The following TUBGCP5 variants were observed in gnomAD, a reference collection of about 807,000 sequenced individuals.
TUBGCP5 encodes tubulin gamma complex component 5, also known as gamma-tubulin complex component 5.
Under a neutral mutation model 134.7 loss-of-function variants are expected in TUBGCP5, and 98 were observed. That is an observed-to-expected ratio of 0.73 (90% CI 0.62 to 0.86). The LOEUF (loss-of-function observed/expected upper bound fraction) is 0.86, where lower values mean the gene tolerates loss of function less well. Ranked by LOEUF, TUBGCP5 falls within the 40% of genes least tolerant of loss-of-function variation. TUBGCP5 has a pLI of 0.00. For synonymous variants in TUBGCP5, 456 were observed against 431.4 expected (o/e 1.06, Z -0.71); for missense variants, 1,150 against 1,244.8 (o/e 0.92, Z 1.15).
rs140174040 is a variant in TUBGCP5 at position 22,999,420 on chromosome 15, A to G, written c.*400T>C. The stretch of plus-strand genomic sequence containing the variant: ...GACTGTGGGCAAGTGGTTCTTTCTG[A>G]GTCAGGGTCTCACTCTGTCACCCAG... On this transcript the variant is annotated 3_prime_UTR_variant, in exon 23 of 23. Transcript: ENST00000615383. The G allele has an allele frequency of 5.2e-3, 1,172 of 227,496 alleles. 13 individuals carry two copies. Among genetic ancestry groups the G allele is most frequent in the African/African-American group, 0.024 (1,093 of 44,954 alleles). The allele number at this position is 227,496 out of a possible 1,614,324, so 14.1% of individuals were successfully genotyped here. A position where few individuals can be genotyped will look rare whatever the true frequency, so the allele number is the denominator to read the frequency against.
chr15:23,036,867 A>G (rs762858977), intron 3 of TUBGCP5, 30 bp downstream of exon 3: 2 of 1,342,568 alleles, frequency 1.5e-6, no homozygotes, highest in Non-Finnish European at 2.1e-6. Context: ...AGTAAAATAC[A>G]CAGTGGAGAT....
chr15:23,030,554 G>A (rs974180233), intron 6 of TUBGCP5, among the ~76,000 whole-genome samples: 7 of 146,314 alleles, frequency 4.8e-5, no homozygotes, highest in African/African-American at 1.8e-4. Flanking sequence ...TGTTGCCAGA[G>A]CTGGAGTGCA....
intron 10 of TUBGCP5, among the ~76,000 whole-genome samples, chr15:23,022,861 G>A (rs1344942750): frequency 6.6e-6 from 1 of 152,096 alleles, no homozygotes; most frequent in African/African-American, 2.4e-5. Flanking sequence ...AAATTTAAGG[G>A]GAAAAAAGCT....
downstream of TUBGCP5, among the ~76,000 whole-genome samples, chr15:22,994,699 T>G (rs2063990637): frequency 6.6e-6 from 1 of 152,218 alleles, no homozygotes. Context: ...AATATACATT[T>G]CATTTCTCTT....
intron 1 of TUBGCP5, among the ~76,000 whole-genome samples, chr15:23,038,249 C>T (rs942064924): frequency 1.3e-5 from 2 of 152,014 alleles, no homozygotes; most frequent in African/African-American, 2.4e-5. Context: ...TACTGAAAAA[C>T]ACATGATTCT....
At chr15:22,983,950 CCT>C in intron 23 of TUBGCP5, among the ~76,000 whole-genome samples, 1 of 151,824 alleles carries the variant, frequency 6.6e-6, no homozygotes, top group East Asian at 2.0e-4. Context: ...GACAAAACCC[CCT>C]CTCTACAAAA....
chr15:23,029,186 G>A (rs540853078), intron 6 of TUBGCP5, among the ~76,000 whole-genome samples: 1 of 152,058 alleles, frequency 6.6e-6, no homozygotes, highest in African/African-American at 2.4e-5. Context: ...TAAATTCTCT[G>A]CAATCCCAAT....
At chr15:23,007,970 G>A (rs893679514) in intron 16 of TUBGCP5, among the ~76,000 whole-genome samples, 5 of 152,170 alleles carry the variant, frequency 3.3e-5, no homozygotes, top group African/African-American at 1.2e-4. Context: ...CTAGGAGGCA[G>A]GACTGAAAAA....
intron 16 of TUBGCP5, among the ~76,000 whole-genome samples, chr15:23,006,985 G>T (rs2064753210): frequency 6.6e-6 from 1 of 152,174 alleles, no homozygotes; most frequent in Non-Finnish European, 1.5e-5. Flanking sequence ...CAGTCACAGA[G>T]GCACTAAGAG....
rs2066627488 is a variant in TUBGCP5 at position 23,036,999 on chromosome 15, A to C, written c.207T>G (p.Tyr69Ter). 6.3e-7 allele frequency: 1 copy of C among 1,597,032 alleles called. No homozygotes were observed. Among genetic ancestry groups the C allele is most frequent in the Non-Finnish European group, 8.5e-7 (1 of 1,174,006 alleles). Residue 69 changes from tyrosine to a stop codon, truncating the protein, a stop_gained, in exon 3 of 23, where the codon TAT (tyrosine) becomes TAG (stop). Coordinates refer to ENST00000615383, the MANE Select transcript of TUBGCP5 (RefSeq NM_052903.6). LOFTEE classifies it high-confidence loss of function. ...GATCAGAATGAATGACAAATTTTTC[A>C]TAAATTCTAAAATATAAGAAAAGAT... ...HKIEKTIEGI[Y>*]EKFVIHSDLS...
downstream of TUBGCP5, among the ~76,000 whole-genome samples, chr15:22,996,495 T>C (rs2064086704): frequency 6.6e-6 from 1 of 152,166 alleles, no homozygotes; most frequent in African/African-American, 2.4e-5. Flanking sequence ...TTTATTTTCT[T>C]TAATTTTTGA....
intron 7 of TUBGCP5, 98 bp from the exon 8 acceptor site, chr15:23,026,303 C>A: frequency 9.8e-7 from 1 of 1,016,854 alleles, no homozygotes. Flanking sequence ...ACTTAAGTAG[C>A]AATCAACTAA....
In TUBGCP5 at chr15:23,037,160, A is replaced by C; in HGVS notation, c.147-8T>G. 6.2e-7 allele frequency: 1 copy of C among 1,611,532 alleles called. No homozygotes were observed. Among genetic ancestry groups the C allele is most frequent in the South Asian group, 1.1e-5 (1 of 90,304 alleles). On this transcript the variant is annotated splice_region_variant and splice_polypyrimidine_tract_variant and intron_variant, in intron 1 of 22. Transcript: ENST00000615383. ...TCCAAGAAACGATGAAATCTATTAA[A>C]GACAAAATGCAATTCTTATGCCAAC...
downstream of TUBGCP5, among the ~76,000 whole-genome samples, chr15:22,998,551 C>T (rs1006590052): frequency 1.3e-5 from 2 of 151,982 alleles, no homozygotes; most frequent in Admixed American, 6.6e-5. Context: ...CTTGACCTCC[C>T]GGTCTCAATC....
Position 22,986,778 on chromosome 15 carries a change from A to C in TUBGCP5, c.*62-3167T>G, listed in dbSNP as rs574952942. ...AAGAAAAGGAAGTCAGAAATCGTTA[A>C]ATCGTTTGCTTGGGTGAGGTGGTCT... is the stretch of plus-strand genomic sequence containing the variant. On this transcript the variant is annotated intron_variant and NMD_transcript_variant, in intron 23 of 23. Coordinates refer to the TUBGCP5 transcript ENST00000614508. Among the ~76,000 whole-genome samples, 9 of 152,088 alleles carry C rather than the reference A, an allele frequency of 5.9e-5. No individual in the cohort carries two copies. The South Asian group carries it at 1.9e-3, about 32-fold the overall frequency.
chr15:23,008,882 C>T lies in TUBGCP5; in HGVS notation c.2145-1G>A. 5 of 1,548,896 alleles carry T rather than the reference C, an allele frequency of 3.2e-6. No individual in the cohort carries two copies. Among genetic ancestry groups the T allele is most frequent in the Non-Finnish European group, 4.3e-6 (5 of 1,155,778 alleles). The stretch of plus-strand genomic sequence containing the variant: ...CATAGCTTGCAAGTATTCTACCAAC[C>T]TGAATGGAGAGAAAATGAGTGACAC... On this transcript the variant is annotated splice_acceptor_variant, in intron 15 of 22. Transcript: ENST00000615383. LOFTEE classifies it high-confidence loss of function.
intron 21 of TUBGCP5, among the ~76,000 whole-genome samples, chr15:23,002,343 G>C (rs1014780401): frequency 1.3e-5 from 2 of 152,154 alleles, no homozygotes; most frequent in African/African-American, 4.8e-5. Flanking sequence ...CATGGAGTAA[G>C]TACAGTCAAC....
chr15:23,007,089 G>A (rs2064761175), intron 16 of TUBGCP5, among the ~76,000 whole-genome samples: 1 of 152,114 alleles, frequency 6.6e-6, no homozygotes, highest in East Asian at 1.9e-4. Context: ...TGAACTGGCT[G>A]ATCCATGACA....
chr15:23,005,629 G>T lies in TUBGCP5; in HGVS notation c.2534-19C>A. 6.2e-7 allele frequency: 1 copy of T among 1,605,038 alleles called. No individual in the cohort carries two copies. The highest frequency in any genetic ancestry group is 1.3e-5 in the African/African-American group (1 of 74,770). Reference sequence around the variant, plus strand: ...ACCAGTTCTATAAAACATTGGAAGAGCAAAGTGGACAGAAAGAGCATCAAC... The same window carrying T: ...ACCAGTTCTATAAAACATTGGAAGATCAAAGTGGACAGAAAGAGCATCAAC... On this transcript the variant is annotated intron_variant, in intron 18 of 22. Transcript: ENST00000615383.
Sources: allele counts gnomAD v4.1 joint callset (sites outside exome capture counted in the v4.1 genomes callset), GRCh38; gene constraint gnomAD v4.1.1; transcripts MANE v1.5; gene names NCBI Gene and HGNC (gene_info 2026-07-23, HGNC 2026-07-21).